Variants in DPF3 observed in about 807,000 individuals in gnomAD.
The protein encoded by DPF3 is double PHD fingers 3, also known as zinc finger protein DPF3.
In DPF3, 18 loss-of-function variants were observed where a neutral mutation model predicts 56.8. The ratio of observed to expected loss-of-function variants is 0.32; its 90% CI spans 0.22 to 0.47. The LOEUF (loss-of-function observed/expected upper bound fraction) is 0.47. Among genes scored for constraint, DPF3 ranks in the 20% least tolerant of loss-of-function variants. The pLI, the probability that DPF3 is intolerant of heterozygous loss-of-function variation, is 1.00. For synonymous variants in DPF3, 188 were observed against 180.2 expected (o/e 1.04, Z -0.35); for missense variants, 403 against 488.8 (o/e 0.82, Z 1.65).
rs12434292 is a variant in DPF3, at chr14:72,714,916, A to G, written c.526-415T>C. ...GCTCCTTAGCCTCCTAGCTTCACTGACACAGCTGAGGTTGACAACCCCAGG... is the reference window on the plus strand; with the variant it reads ...GCTCCTTAGCCTCCTAGCTTCACTGGCACAGCTGAGGTTGACAACCCCAGG... On this transcript the variant is annotated intron_variant, in intron 5 of 10. Coordinates refer to ENST00000556509, the MANE Select transcript of DPF3 (RefSeq NM_001280542.3). Among the ~76,000 whole-genome samples the G allele has an allele frequency of 8.1e-3, 1,231 of 152,280 alleles. 6 individuals are homozygous for G. The highest frequency in any genetic ancestry group is 0.014 in the Admixed American group (210 of 15,300).
chr14:72,628,872 G>T (rs1001227353), intron 9 of DPF3, among the ~76,000 whole-genome samples: 4 of 152,188 alleles, frequency 2.6e-5, no homozygotes, highest in Non-Finnish European at 5.9e-5. Context: ...AAGGGAGGAA[G>T]AAAGAGAATA....
chr14:72,649,345 G>C (rs1418767075), intron 8 of DPF3, among the ~76,000 whole-genome samples: 2 of 152,106 alleles, frequency 1.3e-5, no homozygotes, highest in African/African-American at 4.8e-5. Context: ...GGAACTCACA[G>C]CAAGCAGAAA....
chr14:72,787,045 A>G (rs1892236693), intron 1 of DPF3, among the ~76,000 whole-genome samples: 1 of 152,120 alleles, frequency 6.6e-6, no homozygotes, highest in Non-Finnish European at 1.5e-5. Flanking sequence ...GAGAGAGTTG[A>G]TTTTCTCTGT....
Position 72,625,057 on chromosome 14 carries a change from G to T in DPF3, c.984+4567C>A, listed in dbSNP as rs138776086. Among the ~76,000 whole-genome samples the T allele has an allele frequency of 3.3e-5, 5 of 152,146 alleles. No individual in the cohort carries two copies. In the East Asian group the frequency reaches 9.7e-4, roughly 29 times the overall value. The stretch of plus-strand genomic sequence containing the variant: ...AGTAATATTGTTGGGGAGATACTTG[G>T]AGATTATCTCCTCAACAAGAGAAAT... On this transcript the variant is annotated intron_variant, in intron 9 of 10. Transcript: ENST00000556509.
chr14:72,769,777 A>G (rs1350663085), intron 2 of DPF3, among the ~76,000 whole-genome samples: 1 of 151,900 alleles, frequency 6.6e-6, no homozygotes. Context: ...GCTACACTGG[A>G]TTAAAATACA....
At chr14:72,620,815 A>C (rs1320318426) in intron 9 of DPF3, among the ~76,000 whole-genome samples, 2 of 152,072 alleles carry the variant, frequency 1.3e-5, no homozygotes, top group East Asian at 3.8e-4. Context: ...CCTTTACGTT[A>C]CATGCCTGGC....
In DPF3 at chr14:72,871,170, T is replaced by C. The variant is rs145006015; in HGVS notation, c.32+22887A>G. ...CATGATTCGATTACCTCCCTCTGGG[T>C]ACCTCCCACAACATGTGGGAATTCT... On this transcript the variant is annotated intron_variant, in intron 1 of 10. Transcript: ENST00000556509. 5.4e-3 allele frequency among the ~76,000 whole-genome samples: 827 copies of C among 152,230 alleles called. 3 individuals carry two copies. Among genetic ancestry groups the C allele is most frequent in the Middle Eastern group, 0.014 (4 of 294 alleles).
intron 1 of DPF3, among the ~76,000 whole-genome samples, chr14:72,859,432 T>C (rs1417848397): frequency 6.6e-6 from 1 of 150,844 alleles, no homozygotes; most frequent in African/African-American, 2.4e-5. Context: ...TTTGACTATC[T>C]ATCACAGTTT....
intron 7 of DPF3, among the ~76,000 whole-genome samples, chr14:72,688,940 G>C (rs531520570): frequency 1.3e-5 from 2 of 152,274 alleles, no homozygotes; most frequent in Non-Finnish European, 2.9e-5. Context: ...GAGAGGCAAG[G>C]GCACACAGGA....
At position 72,610,888 on chromosome 14, in the gene DPF3, A is replaced by G. The variant is rs528000192; in HGVS notation, c.*8409T>C. 5.8e-4 allele frequency among the ~76,000 whole-genome samples: 88 copies of G among 152,326 alleles called. No homozygotes were observed. Among genetic ancestry groups the G allele is most frequent in the Non-Finnish European group, 9.6e-4 (65 of 68,028 alleles). On this transcript the variant is annotated 3_prime_UTR_variant, in exon 11 of 11. Transcript: ENST00000556509. ...CAGAGGCCTTTGCCTCACCCCTTCC[A>G]CCAGCAGGGCCATTCAGAGAAGTCT... is the stretch of plus-strand genomic sequence containing the variant.
At chr14:72,634,052 A>G (rs568249968) in intron 8 of DPF3, among the ~76,000 whole-genome samples, 1 of 152,222 alleles carries the variant, frequency 6.6e-6, no homozygotes, top group South Asian at 2.1e-4. Flanking sequence ...CAAGGGAGCT[A>G]AGTTCACACA....
At chr14:72,872,897 C>T (rs532585947) in intron 1 of DPF3, among the ~76,000 whole-genome samples, 28 of 152,306 alleles carry the variant, frequency 1.8e-4, no homozygotes, top group African/African-American at 6.0e-4. Context: ...GGAGCCCTTC[C>T]TTACACCTTA....
chr14:72,728,153 C>CA (rs1283577315), intron 4 of DPF3, among the ~76,000 whole-genome samples: 5 of 152,172 alleles, frequency 3.3e-5, no homozygotes, highest in African/African-American at 9.6e-5. Context: ...ATGAACTAAG[C>CA]AAAAAAATAC....
chr14:72,756,437 G>T (rs1420884296), intron 2 of DPF3, among the ~76,000 whole-genome samples: 2 of 152,186 alleles, frequency 1.3e-5, no homozygotes, highest in Non-Finnish European at 2.9e-5. Flanking sequence ...AGTTCAGCAG[G>T]TGGATCCTGA....
intron 1 of DPF3, among the ~76,000 whole-genome samples, chr14:72,790,665 G>A (rs1015554483): frequency 5.3e-5 from 8 of 152,096 alleles, no homozygotes; most frequent in African/African-American, 1.9e-4. Flanking sequence ...CAGAAATAGG[G>A]TAAGACTTAA....
At chr14:72,760,658 T>A (rs1288498312) in intron 2 of DPF3, among the ~76,000 whole-genome samples, 1 of 152,144 alleles carries the variant, frequency 6.6e-6, no homozygotes, top group African/African-American at 2.4e-5. Flanking sequence ...AGATGTACAC[T>A]ATAAACACTA....
intron 8 of DPF3, among the ~76,000 whole-genome samples, chr14:72,672,060 GACAC>G (rs369762823): frequency 2.3e-4 from 30 of 133,018 alleles, no homozygotes; most frequent in African/African-American, 5.9e-4. Flanking sequence ...CACACACACA[GACAC>G]ACACACACAC....
intron 4 of DPF3, 195 bp from the exon 5 acceptor site, chr14:72,723,923 G>A: frequency 3.8e-6 from 2 of 522,126 alleles, no homozygotes; most frequent in Non-Finnish European, 6.6e-6. Context: ...GCTCTCCTAA[G>A]CCCTTGGGCC....
At chr14:72,740,854 G>A (rs1247792003) in intron 3 of DPF3, among the ~76,000 whole-genome samples, 1 of 152,164 alleles carries the variant, frequency 6.6e-6, no homozygotes, top group Non-Finnish European at 1.5e-5. Flanking sequence ...TTCTGGTAAA[G>A]GTGGGTCCCA....
Sources: gnomAD v4.1 joint callset for allele counts (sites outside exome capture counted in the v4.1 genomes callset) on GRCh38, gnomAD v4.1.1 for gene constraint, MANE v1.5 for transcripts, NCBI Gene and HGNC (gene_info 2026-07-23, HGNC 2026-07-21) for gene names.